SNTB1: variants seen among roughly 807,000 people sequenced by gnomAD.
SNTB1 encodes the protein syntrophin beta 1.
A neutral mutation model predicts 48.9 loss-of-function variants in SNTB1; 36 were observed. The ratio of observed to expected loss-of-function variants is 0.74; its 90% confidence interval spans 0.56 to 0.97. The LOEUF (loss-of-function observed/expected upper bound fraction) is 0.97, where lower values mean the gene tolerates loss of function less well. Ranked by LOEUF, SNTB1 falls within the 50% of genes least tolerant of loss-of-function variation. SNTB1 has a pLI of 0.00. For synonymous variants in SNTB1, 299 were observed against 294.6 expected, an observed-to-expected ratio of 1.01 and a Z score of -0.15; for missense variants, 786 against 703.4, an observed-to-expected ratio of 1.12 and a Z score of -1.33.
chr8:120,556,050 TA>T (rs1815561606), intron 4 of SNTB1, among the ~76,000 whole-genome samples: 1 of 152,048 alleles, frequency 6.6e-6, no homozygotes, highest in South Asian at 2.1e-4. Context: ...TCTAGTAGAC[TA>T]ATAAGCACCT....
At chr8:120,585,447 C>T (rs1816124067) in intron 3 of SNTB1, among the ~76,000 whole-genome samples, 2 of 152,214 alleles carry the variant, frequency 1.3e-5, no homozygotes, top group African/African-American at 4.8e-5. Context: ...ATCCAAATAT[C>T]TAAATTTCCC....
At chr8:120,810,024 G>C (rs1006427615) in intron 1 of SNTB1, among the ~76,000 whole-genome samples, 8 of 152,170 alleles carry the variant, frequency 5.3e-5, no homozygotes, top group Non-Finnish European at 1.0e-4. Flanking sequence ...ATTGACTTAA[G>C]TCCTTAGTTT....
chr8:120,609,357 T>C (rs912278459), intron 3 of SNTB1, among the ~76,000 whole-genome samples: 3 of 152,172 alleles, frequency 2.0e-5, no homozygotes, highest in Admixed American at 6.5e-5. Context: ...CAGGCGTAGG[T>C]CCATACTAGA....
At chr8:120,621,614 T>C (rs1293489106) in intron 3 of SNTB1, among the ~76,000 whole-genome samples, 2 of 152,178 alleles carry the variant, frequency 1.3e-5, no homozygotes, top group Admixed American at 6.5e-5. Flanking sequence ...ATCAACACAA[T>C]AGATCAACAA....
At chr8:120,685,841 C>G (rs930954307) in intron 2 of SNTB1, among the ~76,000 whole-genome samples, 1 of 152,206 alleles carries the variant, frequency 6.6e-6, no homozygotes, top group African/African-American at 2.4e-5. Flanking sequence ...GCCACACCCT[C>G]AACACTTTGC....
At chr8:120,555,272 CA>C (rs1815548280) in intron 4 of SNTB1, among the ~76,000 whole-genome samples, 1 of 152,158 alleles carries the variant, frequency 6.6e-6, no homozygotes, top group Non-Finnish European at 1.5e-5. Context: ...TCTATAGAGA[CA>C]GGGGTCTCCG....
intron 1 of SNTB1, among the ~76,000 whole-genome samples, chr8:120,794,787 G>A (rs1052421635): frequency 2.0e-5 from 3 of 151,996 alleles, no homozygotes; most frequent in East Asian, 1.9e-4. Flanking sequence ...GAGGAGCCAG[G>A]GCTTTAGAGA....
intron 2 of SNTB1, among the ~76,000 whole-genome samples, chr8:120,673,774 C>T (rs921405964): frequency 3.9e-5 from 6 of 152,038 alleles, no homozygotes; most frequent in African/African-American, 1.5e-4. Context: ...CCCATGCCAA[C>T]CTCTCCTCCC....
intron 1 of SNTB1, among the ~76,000 whole-genome samples, chr8:120,794,377 C>A (rs144121598): frequency 6.6e-6 from 1 of 152,082 alleles, no homozygotes; most frequent in Non-Finnish European, 1.5e-5. Flanking sequence ...AGAAGGTAAG[C>A]CCCTTCCTTC....
chr8:120,585,422 G>A (rs1400579849), intron 3 of SNTB1, among the ~76,000 whole-genome samples: 1 of 152,196 alleles, frequency 6.6e-6, no homozygotes, highest in African/African-American at 2.4e-5. Flanking sequence ...ACTCAGGCCA[G>A]ATGTCAATAT....
At chr8:120,690,404 G>A (rs1818105399) in intron 2 of SNTB1, among the ~76,000 whole-genome samples, 1 of 152,084 alleles carries the variant, frequency 6.6e-6, no homozygotes, top group Non-Finnish European at 1.5e-5. Context: ...ATATGAATAT[G>A]TTTCTGTCTA....
intron 3 of SNTB1, among the ~76,000 whole-genome samples, chr8:120,599,566 C>G (rs535521751): frequency 1.3e-5 from 2 of 152,288 alleles, no homozygotes; most frequent in Admixed American, 1.3e-4. Flanking sequence ...AGTCAGTTCA[C>G]CAAATATTCA....
At chr8:120,581,886 T>C (rs1040810006) in intron 3 of SNTB1, among the ~76,000 whole-genome samples, 1 of 151,918 alleles carries the variant, frequency 6.6e-6, no homozygotes, top group Non-Finnish European at 1.5e-5. Context: ...AAATATAAAA[T>C]TAGCCAGGCA....
At chr8:120,676,255 C>T (rs1372241533) in intron 2 of SNTB1, among the ~76,000 whole-genome samples, 2 of 152,122 alleles carry the variant, frequency 1.3e-5, no homozygotes, top group Non-Finnish European at 2.9e-5. Flanking sequence ...AATTCATGTT[C>T]CTAGAAGGTA....
intron 3 of SNTB1, among the ~76,000 whole-genome samples, chr8:120,606,008 G>A (rs1816510258): frequency 6.6e-6 from 1 of 152,006 alleles, no homozygotes; most frequent in African/African-American, 2.4e-5. Flanking sequence ...CTGCATCTGG[G>A]AACCTTTGTG....
At chr8:120,653,043 C>T (rs937707223) in intron 2 of SNTB1, among the ~76,000 whole-genome samples, 3 of 152,100 alleles carry the variant, frequency 2.0e-5, no homozygotes, top group South Asian at 4.1e-4. Flanking sequence ...AGGTGTCTGG[C>T]GTGTGTCATG....
intron 1 of SNTB1, among the ~76,000 whole-genome samples, chr8:120,766,460 A>C (rs993155460): frequency 1.3e-5 from 2 of 152,178 alleles, no homozygotes; most frequent in Admixed American, 1.3e-4. Flanking sequence ...TTATGTCTTC[A>C]CTATTGATTA....
At chr8:120,750,160 C>G (rs917513678) in intron 1 of SNTB1, among the ~76,000 whole-genome samples, 1 of 151,306 alleles carries the variant, frequency 6.6e-6, no homozygotes, top group African/African-American at 2.4e-5. Flanking sequence ...CCTTCCCTCC[C>G]TCCCTTCCTT....
intron 3 of SNTB1, among the ~76,000 whole-genome samples, chr8:120,627,642 G>T (rs1032316771): frequency 6.6e-6 from 1 of 152,090 alleles, no homozygotes; most frequent in Non-Finnish European, 1.5e-5. Context: ...AGAAGATCTT[G>T]GTAAGTGTTG....
Sources: gnomAD v4.1 joint callset for allele counts (sites outside exome capture counted in the v4.1 genomes callset) on GRCh38, gnomAD v4.1.1 for gene constraint, MANE v1.5 for transcripts, NCBI Gene and HGNC (gene_info 2026-07-23, HGNC 2026-07-21) for gene names.